The following GPATCH2L variants were observed in gnomAD, a reference collection of about 807,000 sequenced individuals.
The protein encoded by GPATCH2L is G-patch domain containing 2 like, also known as G patch domain-containing protein 2-like.
A neutral mutation model predicts 57.4 loss-of-function variants in GPATCH2L; 31 were observed. The observed-to-expected ratio is 0.54, with a 90% CI of 0.41 to 0.73. The LOEUF (loss-of-function observed/expected upper bound fraction) is 0.73, where lower values mean the gene tolerates loss of function less well. Ranked by LOEUF, GPATCH2L falls within the 30% of genes least tolerant of loss-of-function variation. The pLI, the probability that GPATCH2L is intolerant of heterozygous loss-of-function variation, is 0.00. For missense variants in GPATCH2L, 481 were observed against 599.9 expected, an observed-to-expected ratio of 0.80 and a Z score of 2.07; for synonymous variants, 199 against 210.7, an observed-to-expected ratio of 0.94 and a Z score of 0.48.
Position 76,207,766 on chromosome 14 carries a change from C to G in GPATCH2L, c.*5915C>G, listed in dbSNP as rs2040395615. ...CATGCTTTTTGGTTGTTGTTATTGTCTGACTCGTGGATTCAGCATTTCAGA... is the reference window on the plus strand; with the variant it reads ...CATGCTTTTTGGTTGTTGTTATTGTGTGACTCGTGGATTCAGCATTTCAGA... On this transcript the variant is annotated 3_prime_UTR_variant, in exon 10 of 10. Transcript: ENST00000261530. 1 of 152,154 alleles carries G rather than the reference C, an allele frequency of 6.6e-6. No individual in the cohort carries two copies. Among genetic ancestry groups the G allele is most frequent in the East Asian group, 1.9e-4 (1 of 5,200 alleles). 9.4% of individuals were successfully genotyped at this position (152,154 alleles called of 1,614,324 possible).
At chr14:76,188,185 G>A (rs1000535006) in intron 8 of GPATCH2L, among the ~76,000 whole-genome samples, 123 of 152,242 alleles carry the variant, frequency 8.1e-4, no homozygotes, top group South Asian at 2.3e-3. Flanking sequence ...ACCTGGGGGT[G>A]CAGATATCTC....
At position 76,209,919 on chromosome 14, in the gene GPATCH2L, C is replaced by T. The variant is rs1219423130; in HGVS notation, c.*8068C>T. The T allele has an allele frequency of 2.0e-5, 3 of 152,174 alleles. No homozygotes were observed. Among genetic ancestry groups the T allele is most frequent in the South Asian group, 4.1e-4 (2 of 4,826 alleles). 9.4% of individuals were successfully genotyped at this position (152,174 alleles called of 1,614,324 possible). On this transcript the variant is annotated 3_prime_UTR_variant, in exon 10 of 10. Transcript: ENST00000261530. ...GAGGTTATCTGGAAAGTTGAGCTTC[C>T]TCACACATGGGAAGGTACTTCAGAT...
intron 6 of GPATCH2L, 113 bp from the exon 7 acceptor site, chr14:76,177,875 T>A: frequency 6.5e-7 from 1 of 1,529,798 alleles, no homozygotes; most frequent in Non-Finnish European, 9.0e-7. Flanking sequence ...TTCCTGTTAT[T>A]CTCTCCCTCT....
intron 1 of GPATCH2L, chr14:76,153,040 G>A (rs1594894358): frequency 6.4e-6 from 2 of 311,642 alleles, no homozygotes; most frequent in East Asian, 1.8e-4. Flanking sequence ...TGTGCTTTTG[G>A]ACACTTTGAG....
In GPATCH2L at chr14:76,201,965, G is replaced by C; in HGVS notation, c.*114G>C. 1.3e-6 allele frequency: 1 copy of C among 763,202 alleles called. No individual in the cohort carries two copies. Among genetic ancestry groups the C allele is most frequent in the Non-Finnish European group, 2.1e-6 (1 of 479,866 alleles). The allele number at this position is 763,202 out of a possible 1,614,324, so 47.3% of individuals were successfully genotyped here. On this transcript the variant is annotated 3_prime_UTR_variant, in exon 10 of 10. Transcript: ENST00000261530. ...GACATTCCCAGTCCTTTCACCACCAGAACCAACTCCTCTTTCAAACACAGC... is the reference window on the plus strand; with the variant it reads ...GACATTCCCAGTCCTTTCACCACCACAACCAACTCCTCTTTCAAACACAGC...
chr14:76,225,299 G>A lies in GPATCH2L; in HGVS notation c.66-4509G>A, dbSNP rs968626807. On this transcript the variant is annotated intron_variant and NMD_transcript_variant, in intron 1 of 3. Transcript: ENST00000556372. ...CAGTGAAACAGAACAGAGTCTAGAA[G>A]CTGATCCACACACATAGTCACTTAA... 2.6e-5 allele frequency among the ~76,000 whole-genome samples: 4 copies of A among 152,076 alleles called. No individual in the cohort carries two copies. In the East Asian group the frequency reaches 7.7e-4, roughly 29 times the overall value.
chr14:76,188,617 A>G (rs1354339890), intron 8 of GPATCH2L, among the ~76,000 whole-genome samples: 1 of 151,984 alleles, frequency 6.6e-6, no homozygotes, highest in Non-Finnish European at 1.5e-5. Context: ...CCTTTGTCAA[A>G]TGGGTAGTTT....
intron 4 of GPATCH2L, among the ~76,000 whole-genome samples, chr14:76,172,559 CAG>C (rs373371858): frequency 7.1e-4 from 108 of 152,246 alleles, no homozygotes; most frequent in African/African-American, 2.5e-3. Flanking sequence ...GAACCTAGGA[CAG>C]AGAGATGGAA....
Position 76,211,410 on chromosome 14 carries a change from C to T in GPATCH2L, c.*9559C>T, listed in dbSNP as rs1313586920. On this transcript the variant is annotated 3_prime_UTR_variant, in exon 10 of 10. Transcript: ENST00000261530. Reference sequence around the variant, plus strand: ...CCTTCCGTGGGAAATATAGCTAGGCCCACTTATTGGTAGGAGCTACTGACA... The same window carrying T: ...CCTTCCGTGGGAAATATAGCTAGGCTCACTTATTGGTAGGAGCTACTGACA... 2.0e-5 allele frequency: 3 copies of T among 152,142 alleles called. No individual in the cohort carries two copies. Among genetic ancestry groups the T allele is most frequent in the African/African-American group, 7.2e-5 (3 of 41,430 alleles). The allele number at this position is 152,142 out of a possible 1,614,324, so 9.4% of individuals were successfully genotyped here.
Position 76,154,496 on chromosome 14 carries a change from C to T in GPATCH2L, c.133C>T (p.Arg45Trp). 3 of 1,614,174 alleles carry T rather than the reference C, an allele frequency of 1.9e-6. No homozygotes were observed. The highest frequency in any genetic ancestry group is 1.1e-5 in the South Asian group (1 of 91,080). ...GCGGCAGCTTCGGAAACGCCGAGGTCGGAAGCGTCGTTCTGACTTCACTCA... is the reference window on the plus strand; with the variant it reads ...GCGGCAGCTTCGGAAACGCCGAGGTTGGAAGCGTCGTTCTGACTTCACTCA... ...QRRQLRKRRG[R>W]KRRSDFTHLA... Residue 45 changes from arginine to tryptophan, a missense_variant, in exon 2 of 10, where the codon CGG (arginine) becomes TGG (tryptophan). Around this residue, in one of 3 missense-constraint regions of GPATCH2L, gnomAD observed 208 missense variants for 272.4 expected, o/e 0.76. Transcript: ENST00000261530. The surrounding 1 kb of genome is among the most constrained non-coding windows in gnomAD (Gnocchi z 4.4).
chr14:76,176,661 C>T lies in GPATCH2L; in HGVS notation c.1023C>T (p.Ser341=), dbSNP rs149167474. The change falls in exon 6 of 10, where the codon AGC becomes AGT. Residue 341 remains serine (S), a synonymous_variant. Transcript: ENST00000261530. Reference sequence around the variant, plus strand: ...ACACTTTGGGGACTGAGAGGATAAGCCATATCATTAGTGACCCTCGGCAGA... The same window carrying T: ...ACACTTTGGGGACTGAGAGGATAAGTCATATCATTAGTGACCCTCGGCAGA... The part of the protein sequence containing the change: ...SINTLGTERI[S]HIISDPRQKE... 166 of 1,611,010 alleles carry T rather than the reference C, an allele frequency of 1.0e-4. No individual in the cohort carries two copies. The highest frequency in any genetic ancestry group is 1.4e-4 in the Non-Finnish European group (163 of 1,177,302).
At chr14:76,200,390 C>G (rs2040280995) in intron 9 of GPATCH2L, among the ~76,000 whole-genome samples, 1 of 152,034 alleles carries the variant, frequency 6.6e-6, no homozygotes, top group East Asian at 1.9e-4. Context: ...GCTTTTTTCA[C>G]TGCAGTTTGG....
chr14:76,195,242 G>C (rs1269463436), intron 8 of GPATCH2L, among the ~76,000 whole-genome samples: 1 of 152,168 alleles, frequency 6.6e-6, no homozygotes, highest in Admixed American at 6.5e-5. Context: ...AGCATACCAC[G>C]TAGTTCAGTG....
At position 76,166,653 on chromosome 14, in the gene GPATCH2L, CTT is replaced by C. The variant is rs2038853548; in HGVS notation, c.663-6_663-5del. On this transcript the variant is annotated splice_region_variant and splice_polypyrimidine_tract_variant and intron_variant, in intron 2 of 9. Coordinates refer to ENST00000261530, the MANE Select transcript of GPATCH2L (RefSeq NM_017926.4). Reference sequence around the variant, plus strand: ...CTGATGAGTTCTCTTGTGTTTTACTCTTTTTACAGTGAAACCAGCAGTGTGTG... The same window carrying C: ...CTGATGAGTTCTCTTGTGTTTTACTCTTTACAGTGAAACCAGCAGTGTGTG... The C allele has an allele frequency of 6.3e-7, 1 of 1,594,816 alleles. No homozygotes were observed. Among genetic ancestry groups the C allele is most frequent in the Admixed American group, 1.7e-5 (1 of 59,944 alleles).
chr14:76,195,856 TTTC>T lies in GPATCH2L; in HGVS notation c.1194-13_1194-11del, dbSNP rs759599794. 2.0e-5 allele frequency: 31 copies of T among 1,575,742 alleles called. No individual in the cohort carries two copies. In the African/African-American group the frequency reaches 2.6e-4, roughly 13 times the overall value. On this transcript the variant is annotated intron_variant, in intron 8 of 9. Coordinates refer to ENST00000261530, the MANE Select transcript of GPATCH2L (RefSeq NM_017926.4). ...TAAGAATTAAAAAGTTCAAACCATTTTTCTTCTTCTTACATCTGCAGACAGGCA... is the reference window on the plus strand; with the variant it reads ...TAAGAATTAAAAAGTTCAAACCATTTTTCTTCTTACATCTGCAGACAGGCA...
intron 3 of GPATCH2L, among the ~76,000 whole-genome samples, chr14:76,167,269 A>G (rs2038886509): frequency 6.6e-6 from 1 of 152,188 alleles, no homozygotes; most frequent in Non-Finnish European, 1.5e-5. Flanking sequence ...CTTTATTTTT[A>G]CTACCTAAAC....
chr14:76,210,360 T>C lies in GPATCH2L; in HGVS notation c.*8509T>C, dbSNP rs76443016. ...GATGTTAAAGAGTGTCTGTTCCCAA[T>C]CAATACCTCTGCTGCCTCTTTTTAC... On this transcript the variant is annotated 3_prime_UTR_variant, in exon 10 of 10. Transcript: ENST00000261530. The C allele has an allele frequency of 0.024, 3,612 of 152,282 alleles. 77 individuals carry two copies. The highest frequency in any genetic ancestry group is 0.077 in the South Asian group (371 of 4,818). The allele number at this position is 152,282 out of a possible 1,614,324, so 9.4% of individuals were successfully genotyped here. A position where few individuals can be genotyped will look rare whatever the true frequency, so the allele number is the denominator to read the frequency against.
In GPATCH2L at chr14:76,208,890, C is replaced by T. The variant is rs956928212; in HGVS notation, c.*7039C>T. The T allele has an allele frequency of 2.0e-5, 3 of 152,278 alleles. No homozygotes were observed. Among genetic ancestry groups the T allele is most frequent in the Non-Finnish European group, 1.5e-5 (1 of 68,054 alleles). The allele number at this position is 152,278 out of a possible 1,614,324, so 9.4% of individuals were successfully genotyped here. The stretch of plus-strand genomic sequence containing the variant: ...GGTCACCTGGGAAGTTTTAAAAAGT[C>T]CTAATTCCTGGACTGGACCACAGAC... On this transcript the variant is annotated 3_prime_UTR_variant, in exon 10 of 10. Coordinates refer to ENST00000261530, the MANE Select transcript of GPATCH2L (RefSeq NM_017926.4).
chr14:76,171,586 A>C (rs1020710904), intron 3 of GPATCH2L, among the ~76,000 whole-genome samples: 2 of 99,176 alleles, frequency 2.0e-5, no homozygotes, highest in Non-Finnish European at 4.3e-5. Context: ...CCATCCCCAA[A>C]AAAATAAAAA....
Sources: gnomAD v4.1 joint callset for allele counts (sites outside exome capture counted in the v4.1 genomes callset) on GRCh38, gnomAD v4.1.1 for gene constraint, gnomAD v4.1.1 regional missense constraint, Gnocchi (gnomAD v3.1) non-coding constraint, MANE v1.5 for transcripts, NCBI Gene and HGNC (gene_info 2026-07-23, HGNC 2026-07-21) for gene names.